Variants in RBFOX1 observed in about 807,000 individuals in gnomAD.
RBFOX1 encodes the protein RNA binding protein fox-1 homolog 1.
Under a neutral mutation model 57.7 loss-of-function variants are expected in RBFOX1, and 8 were observed. That is an observed-to-expected ratio of 0.14 (90% CI 0.08 to 0.25). The LOEUF (loss-of-function observed/expected upper bound fraction) is 0.25, where lower values mean the gene tolerates loss of function less well. Among genes scored for constraint, RBFOX1 ranks in the 10% least tolerant of loss-of-function variants. RBFOX1 has a pLI of 1.00. For missense variants in RBFOX1, 611 were observed against 548.5 expected, an observed-to-expected ratio of 1.11 and a Z score of -1.14; for synonymous variants, 326 against 222.4, an observed-to-expected ratio of 1.47 and a Z score of -4.15.
At chr16:6,187,739 A>G (rs1254675446) in intron 1 of RBFOX1, among the ~76,000 whole-genome samples, 1 of 152,168 alleles carries the variant, frequency 6.6e-6, no homozygotes, top group Non-Finnish European at 1.5e-5. Flanking sequence ...TTGATGGCAA[A>G]GTGGGATGTA....
intron 1 of RBFOX1, among the ~76,000 whole-genome samples, chr16:6,266,108 A>C (rs2074455230): frequency 6.6e-6 from 1 of 152,148 alleles, no homozygotes; most frequent in South Asian, 2.1e-4. Context: ...TTCTGGGCGG[A>C]AGCTTTAAGA....
At chr16:6,931,896 C>T (rs1006775500) in intron 3 of RBFOX1, among the ~76,000 whole-genome samples, 3 of 152,110 alleles carry the variant, frequency 2.0e-5, no homozygotes, top group African/African-American at 4.8e-5. Flanking sequence ...ATGGCAAGAG[C>T]GCATGTGAGA....
intron 4 of RBFOX1, among the ~76,000 whole-genome samples, chr16:7,163,096 A>G (rs1213739804): frequency 6.6e-6 from 1 of 152,182 alleles, no homozygotes; most frequent in African/African-American, 2.4e-5. Context: ...GGGCACCCAT[A>G]AATAATTCCT....
chr16:5,467,190 C>T, intron 1 of RBFOX1: 1 of 1,464,846 alleles, frequency 6.8e-7, no homozygotes. Flanking sequence ...CTCTCTCTCT[C>T]TCTCTCTTTT....
At chr16:7,406,028 A>T (rs936872114) in intron 4 of RBFOX1, among the ~76,000 whole-genome samples, 9 of 152,178 alleles carry the variant, frequency 5.9e-5, no homozygotes, top group African/African-American at 2.2e-4. Flanking sequence ...TATCCCCCAC[A>T]ACAAAGAATT....
At chr16:6,960,674 G>C (rs2082775877) in intron 3 of RBFOX1, among the ~76,000 whole-genome samples, 1 of 151,962 alleles carries the variant, frequency 6.6e-6, no homozygotes, top group Non-Finnish European at 1.5e-5. Flanking sequence ...TACTCTTGCA[G>C]GACCAGCATC....
At chr16:6,920,336 G>T (rs1292218580) in intron 3 of RBFOX1, among the ~76,000 whole-genome samples, 1 of 152,236 alleles carries the variant, frequency 6.6e-6, no homozygotes, top group Middle Eastern at 3.4e-3. Flanking sequence ...TCTTAATGAA[G>T]TTCACTCCTG....
At chr16:7,666,862 T>C (rs1044834635) in intron 13 of RBFOX1, among the ~76,000 whole-genome samples, 3 of 152,198 alleles carry the variant, frequency 2.0e-5, no homozygotes, top group Admixed American at 1.3e-4. Context: ...ACATTCATCA[T>C]GTTTGGGCCA....
chr16:7,270,693 C>G (rs1422865237), intron 4 of RBFOX1, among the ~76,000 whole-genome samples: 1 of 152,174 alleles, frequency 6.6e-6, no homozygotes, highest in Non-Finnish European at 1.5e-5. Flanking sequence ...AAAATGGAAG[C>G]TCTGGAAACA....
intron 2 of RBFOX1, among the ~76,000 whole-genome samples, chr16:6,423,428 G>A (rs748195628): frequency 1.7e-4 from 26 of 151,786 alleles, no homozygotes; most frequent in Non-Finnish European, 3.4e-4. Context: ...GTGAGACCCC[G>A]TCTCTACTAA....
chr16:6,925,315 G>T (rs373076655), intron 3 of RBFOX1, among the ~76,000 whole-genome samples: 79 of 138,196 alleles, frequency 5.7e-4, no homozygotes, highest in African/African-American at 2.6e-3. Context: ...TGTAGAGATA[G>T]GGTTTCGTCC....
chr16:7,148,155 C>G (rs2075396745), intron 4 of RBFOX1, among the ~76,000 whole-genome samples: 1 of 152,166 alleles, frequency 6.6e-6, no homozygotes, highest in Non-Finnish European at 1.5e-5. Context: ...ATGCTGTTCT[C>G]AGGGCTAACT....
At chr16:5,671,714 C>G (rs890720105) in intron 3 of RBFOX1, among the ~76,000 whole-genome samples, 19 of 152,180 alleles carry the variant, frequency 1.2e-4, no homozygotes, top group African/African-American at 4.1e-4. Context: ...CTCTCTCACC[C>G]TGTTATTTTA....
At chr16:6,065,494 G>A (rs11646393) in intron 1 of RBFOX1, among the ~76,000 whole-genome samples, 34,235 of 151,998 alleles carry the variant, frequency 0.23, 4,877 homozygotes, top group Non-Finnish European at 0.32. Context: ...ATATCATTGC[G>A]GTTTCCACTC....
chr16:5,963,219 C>T (rs1567196688), intron 4 of RBFOX1, among the ~76,000 whole-genome samples: 1 of 152,156 alleles, frequency 6.6e-6, no homozygotes, highest in Non-Finnish European at 1.5e-5. Flanking sequence ...AACCCCAAAC[C>T]TGAATAGCTT....
At chr16:7,671,650 C>T in intron 13 of RBFOX1, 2 of 1,489,614 alleles carry the variant, frequency 1.3e-6, no homozygotes, top group Non-Finnish European at 9.4e-7. Context: ...TGTGGGTTTG[C>T]TGTGAAATCC....
At chr16:7,239,031 C>G (rs1385941506) in intron 4 of RBFOX1, among the ~76,000 whole-genome samples, 3 of 152,164 alleles carry the variant, frequency 2.0e-5, no homozygotes. Context: ...CTTTCTTTAT[C>G]CAGTCTATCA....
chr16:6,650,834 T>A (rs2098584046), intron 2 of RBFOX1, among the ~76,000 whole-genome samples: 1 of 152,184 alleles, frequency 6.6e-6, no homozygotes, highest in Non-Finnish European at 1.5e-5. Context: ...TGCCTCTTGG[T>A]GAGAAAATCA....
At chr16:5,352,803 C>T (rs1308852980) in intron 1 of RBFOX1, among the ~76,000 whole-genome samples, 1 of 151,930 alleles carries the variant, frequency 6.6e-6, no homozygotes, top group Non-Finnish European at 1.5e-5. Flanking sequence ...ATTAGCCAGG[C>T]ATGGTGGCAT....
Sources: gnomAD v4.1 joint callset for allele counts (sites outside exome capture counted in the v4.1 genomes callset) on GRCh38, gnomAD v4.1.1 for gene constraint, MANE v1.5 for transcripts, NCBI Gene and HGNC (gene_info 2026-07-23, HGNC 2026-07-21) for gene names.